The following PPP3R1 variants were observed in gnomAD, a reference collection of about 807,000 sequenced individuals.
PPP3R1 encodes the protein calcineurin subunit B type 1.
In PPP3R1, 5 loss-of-function variants were observed where a neutral mutation model predicts 22.6. That is an observed-to-expected ratio of 0.22 (90% CI 0.12 to 0.46). The LOEUF is 0.46. Ranked by LOEUF, PPP3R1 falls within the 20% of genes least tolerant of loss-of-function variation. PPP3R1 has a pLI of 0.99. For missense variants in PPP3R1, 61 were observed against 203.2 expected (o/e 0.30, Z 4.25); for synonymous variants, 56 against 65.2 (o/e 0.86, Z 0.68).
intron 2 of PPP3R1, among the ~76,000 whole-genome samples, chr2:68,210,783 C>A (rs371683573): frequency 4.0e-4 from 61 of 152,276 alleles, no homozygotes; most frequent in African/African-American, 1.2e-3. Flanking sequence ...TTGGCCATCC[C>A]AAATCCAAAA....
chr2:68,236,294 T>TTATG (rs1670019273), intron 1 of PPP3R1, among the ~76,000 whole-genome samples: 1 of 152,136 alleles, frequency 6.6e-6, no homozygotes, highest in Non-Finnish European at 1.5e-5. Context: ...ACTCATTCAT[T>TTATG]TATGTACTGT....
chr2:68,212,599 T>A (rs1225136292), intron 2 of PPP3R1, among the ~76,000 whole-genome samples: 1 of 152,254 alleles, frequency 6.6e-6, no homozygotes, highest in Non-Finnish European at 1.5e-5. Context: ...ACTACCTGCA[T>A]TGTCAATGAG....
At chr2:68,199,088 C>T (rs930693535) in intron 2 of PPP3R1, among the ~76,000 whole-genome samples, 6 of 152,062 alleles carry the variant, frequency 3.9e-5, no homozygotes, top group Admixed American at 6.5e-5. Context: ...CTCAGCCTCC[C>T]GAGTAGCTAA....
intron 5 of PPP3R1, among the ~76,000 whole-genome samples, chr2:68,186,171 G>A (rs150507276): frequency 6.6e-6 from 1 of 152,202 alleles, no homozygotes; most frequent in Admixed American, 6.5e-5. Context: ...AAGTAGAGAA[G>A]AGAAGCTAAG....
At chr2:68,229,437 T>C (rs991322658) in intron 1 of PPP3R1, among the ~76,000 whole-genome samples, 1 of 152,244 alleles carries the variant, frequency 6.6e-6, no homozygotes, top group African/African-American at 2.4e-5. Context: ...TATCTTTCTA[T>C]ATCCTTGCTG....
rs1330678893 is a variant in PPP3R1 at position 68,252,003 on chromosome 2, C to T, written c.3+122G>A. On this transcript the variant is annotated intron_variant, in intron 1 of 5. Coordinates refer to ENST00000234310, the MANE Select transcript of PPP3R1 (RefSeq NM_000945.4). The stretch of plus-strand genomic sequence containing the variant: ...GCAACCGCCGCGGGACCCGCCGGGC[C>T]CGGGTCTCTGGAATTTTCCACGGGG... 3 of 1,037,694 alleles carry T rather than the reference C, an allele frequency of 2.9e-6. No homozygotes were observed. The African/African-American group carries it at 5.1e-5, about 18-fold the overall frequency. The allele number at this position is 1,037,694 out of a possible 1,614,324, so 64.3% of individuals were successfully genotyped here.
chr2:68,248,326 T>C (rs1218215725), intron 1 of PPP3R1, among the ~76,000 whole-genome samples: 1 of 152,224 alleles, frequency 6.6e-6, no homozygotes, highest in Non-Finnish European at 1.5e-5. Context: ...CAGCATCCCA[T>C]GTTTAGTCTG....
intron 2 of PPP3R1, among the ~76,000 whole-genome samples, chr2:68,191,106 T>A (rs1442960220): frequency 6.6e-6 from 1 of 152,242 alleles, no homozygotes; most frequent in Non-Finnish European, 1.5e-5. Context: ...AAAATTTATG[T>A]AAATACTGCT....
At chr2:68,181,842 T>A (rs909883527) in intron 5 of PPP3R1, among the ~76,000 whole-genome samples, 1 of 152,200 alleles carries the variant, frequency 6.6e-6, no homozygotes, top group Non-Finnish European at 1.5e-5. Context: ...CTGTATATTA[T>A]TTTTCTGTAG....
chr2:68,225,360 C>T (rs1669762690), intron 1 of PPP3R1, among the ~76,000 whole-genome samples: 1 of 152,132 alleles, frequency 6.6e-6, no homozygotes, highest in Admixed American at 6.5e-5. Context: ...GTGGAGAGGC[C>T]ACATGGCATT....
At position 68,240,081 on chromosome 2, in the gene PPP3R1, C is replaced by T. The variant is rs537683969; in HGVS notation, c.3+12044G>A. Among the ~76,000 whole-genome samples, 10 of 152,298 alleles carry T rather than the reference C, an allele frequency of 6.6e-5. No individual in the cohort carries two copies. The South Asian group carries it at 2.1e-3, about 32-fold the overall frequency. On this transcript the variant is annotated intron_variant, in intron 1 of 5. Transcript: ENST00000234310. ...GACTAAGATGTACATTAGGTGTATTCAACGCATTTTCAACTTACAATGGGT... is the reference window on the plus strand; with the variant it reads ...GACTAAGATGTACATTAGGTGTATTTAACGCATTTTCAACTTACAATGGGT...
At chr2:68,209,984 G>A (rs1207019195) in intron 2 of PPP3R1, among the ~76,000 whole-genome samples, 2 of 152,120 alleles carry the variant, frequency 1.3e-5, no homozygotes, top group Non-Finnish European at 2.9e-5. Context: ...GGAAAAAAAA[G>A]GAGATTGCTG....
chr2:68,245,858 A>G (rs559181634), intron 1 of PPP3R1, among the ~76,000 whole-genome samples: 1 of 152,274 alleles, frequency 6.6e-6, no homozygotes, highest in Non-Finnish European at 1.5e-5. Flanking sequence ...AAACTCTTAT[A>G]TGACCTACAT....
chr2:68,219,778 A>G (rs558589236), intron 1 of PPP3R1, among the ~76,000 whole-genome samples: 2 of 152,330 alleles, frequency 1.3e-5, no homozygotes, highest in African/African-American at 2.4e-5. Context: ...CAAAACCATA[A>G]AATTATATCT....
intron 1 of PPP3R1, among the ~76,000 whole-genome samples, chr2:68,227,996 A>G (rs1400442279): frequency 6.6e-6 from 1 of 152,204 alleles, no homozygotes; most frequent in Non-Finnish European, 1.5e-5. Context: ...AACTTTCAGC[A>G]CTACGCTAAA....
chr2:68,230,045 C>T (rs914379485), intron 1 of PPP3R1, among the ~76,000 whole-genome samples: 30 of 151,340 alleles, frequency 2.0e-4, no homozygotes, highest in African/African-American at 7.3e-4. Context: ...CACTCTGGAG[C>T]GTAGCGGCAC....
intron 2 of PPP3R1, among the ~76,000 whole-genome samples, chr2:68,199,492 G>A (rs13395335): frequency 0.5 from 75,530 of 151,808 alleles, 19,526 homozygotes; most frequent in South Asian, 0.63. Flanking sequence ...CAAATACAAC[G>A]TTGATTAGAA....
chr2:68,224,473 C>G (rs948664503), intron 1 of PPP3R1, among the ~76,000 whole-genome samples: 6 of 151,912 alleles, frequency 3.9e-5, no homozygotes, highest in Non-Finnish European at 7.4e-5. Flanking sequence ...CCAGCCTGAC[C>G]AACATGGTGA....
intron 2 of PPP3R1, among the ~76,000 whole-genome samples, chr2:68,195,990 T>C (rs1674763182): frequency 6.6e-6 from 1 of 152,098 alleles, no homozygotes; most frequent in Non-Finnish European, 1.5e-5. Context: ...CTCCAATCTC[T>C]TTTGTACAGC....
Sources: allele counts gnomAD v4.1 joint callset (sites outside exome capture counted in the v4.1 genomes callset), GRCh38; gene constraint gnomAD v4.1.1; transcripts MANE v1.5; gene names NCBI Gene and HGNC (gene_info 2026-07-23, HGNC 2026-07-21).